PPP1R1C: variants seen among roughly 807,000 people sequenced by gnomAD.
The protein encoded by PPP1R1C is protein phosphatase 1 regulatory inhibitor subunit 1C, also known as protein phosphatase 1 regulatory subunit 1C.
A neutral mutation model predicts 17.4 loss-of-function variants in PPP1R1C; 15 were observed. That is an observed-to-expected ratio of 0.86 (90% confidence interval 0.58 to 1.33). The LOEUF is 1.33. Ranked by LOEUF, PPP1R1C falls within the 40% of genes most tolerant of loss-of-function variation. The pLI is 0.00. For synonymous variants in PPP1R1C, 35 were observed against 43.1 expected, an observed-to-expected ratio of 0.81 and a Z score of 0.73; for missense variants, 143 against 130.0, an observed-to-expected ratio of 1.10 and a Z score of -0.48.
intron 4 of PPP1R1C, among the ~76,000 whole-genome samples, chr2:182,113,231 T>A (rs1689492377): frequency 1.3e-5 from 2 of 152,234 alleles, no homozygotes; most frequent in Non-Finnish European, 2.9e-5. Context: ...TGAGTTATAA[T>A]CTGCCTATAC....
intron 2 of PPP1R1C, among the ~76,000 whole-genome samples, chr2:181,996,676 A>G (rs1392931975): frequency 6.6e-6 from 1 of 152,224 alleles, no homozygotes; most frequent in Non-Finnish European, 1.5e-5. Flanking sequence ...TGTGCAAACT[A>G]AAAAGCTAGA....
At chr2:182,066,111 C>T (rs1207495032) in intron 4 of PPP1R1C, among the ~76,000 whole-genome samples, 1 of 152,108 alleles carries the variant, frequency 6.6e-6, no homozygotes, top group Non-Finnish European at 1.5e-5. Flanking sequence ...ATCTTATCAG[C>T]TTTTTGTGGC....
intron 2 of PPP1R1C, chr2:182,023,745 C>G (rs1686505047): frequency 6.6e-6 from 1 of 152,072 alleles, no homozygotes. Flanking sequence ...CTCAGCTTCT[C>G]ACATAGCTGG....
intron 4 of PPP1R1C, among the ~76,000 whole-genome samples, chr2:182,115,831 A>G (rs546131477): frequency 1.3e-5 from 2 of 152,312 alleles, no homozygotes; most frequent in South Asian, 4.1e-4. Context: ...GCAAACTTAC[A>G]CATTTCTTGA....
At chr2:182,086,086 T>G (rs566378313) in intron 4 of PPP1R1C, among the ~76,000 whole-genome samples, 108 of 151,970 alleles carry the variant, frequency 7.1e-4, no homozygotes, top group African/African-American at 2.6e-3. Context: ...GAAAAAAACA[T>G]GAGAAACAGG....
chr2:182,042,618 G>C (rs1454923434), intron 2 of PPP1R1C, among the ~76,000 whole-genome samples: 2 of 152,156 alleles, frequency 1.3e-5, no homozygotes, highest in Non-Finnish European at 2.9e-5. Context: ...GAATGCCCTA[G>C]GGAGAAAGAG....
intron 2 of PPP1R1C, among the ~76,000 whole-genome samples, chr2:182,011,123 T>A (rs1363824787): frequency 1.3e-5 from 2 of 152,132 alleles, no homozygotes; most frequent in African/African-American, 2.4e-5. Flanking sequence ...ATCATGGTCC[T>A]TCTGGCCTCA....
intron 2 of PPP1R1C, among the ~76,000 whole-genome samples, chr2:182,012,111 A>G (rs965650638): frequency 6.6e-6 from 1 of 151,996 alleles, no homozygotes; most frequent in Non-Finnish European, 1.5e-5. Context: ...TAACCTGTAA[A>G]TATCTATTAG....
intron 1 of PPP1R1C, among the ~76,000 whole-genome samples, chr2:181,970,392 C>A (rs1207056253): frequency 6.6e-6 from 1 of 152,198 alleles, no homozygotes; most frequent in Non-Finnish European, 1.5e-5. Context: ...ATCTTCCACC[C>A]TCATAGAGGT....
intron 2 of PPP1R1C, among the ~76,000 whole-genome samples, chr2:182,007,389 C>G (rs1685953764): frequency 6.6e-6 from 1 of 152,132 alleles, no homozygotes; most frequent in African/African-American, 2.4e-5. Context: ...ACATTTTATT[C>G]TACATTTAAA....
At chr2:182,046,505 A>G (rs1687351184) in intron 2 of PPP1R1C, among the ~76,000 whole-genome samples, 1 of 151,880 alleles carries the variant, frequency 6.6e-6, no homozygotes, top group African/African-American at 2.4e-5. Flanking sequence ...AGGCAGGCAG[A>G]TCACAAGGTC....
rs1574352814 is a variant in PPP1R1C, at chr2:181,986,053, C to T, written c.-58C>T. ...TGTCTGAGGAAACACATCCCGGACA[C>T]CACTTAGGGTTAGTCTTTCTGAGCT... On this transcript the variant is annotated 5_prime_UTR_variant, in exon 1 of 5. Transcript: ENST00000682840. 7.4e-7 allele frequency: 1 copy of T among 1,350,016 alleles called. No individual in the cohort carries two copies. Among genetic ancestry groups the T allele is most frequent in the Non-Finnish European group, 1.1e-6 (1 of 939,624 alleles). 83.6% of individuals were successfully genotyped at this position (1,350,016 alleles called of 1,614,324 possible).
At chr2:181,996,630 T>C (rs1685619482) in intron 2 of PPP1R1C, among the ~76,000 whole-genome samples, 1 of 152,214 alleles carries the variant, frequency 6.6e-6, no homozygotes, top group Non-Finnish European at 1.5e-5. Flanking sequence ...ACAATTACAA[T>C]TTGACCTTGG....
exon 6 of PPP1R1C, chr2:182,129,330 T>G (rs929748194): frequency 3.3e-5 from 5 of 152,152 alleles, no homozygotes; most frequent in Non-Finnish European, 7.4e-5. Context: ...AATCTGAGCC[T>G]TCTCTTACAA....
intron 4 of PPP1R1C, among the ~76,000 whole-genome samples, chr2:182,070,851 G>T (rs1032715793): frequency 2.6e-5 from 4 of 152,294 alleles, no homozygotes; most frequent in Middle Eastern, 3.4e-3. Flanking sequence ...AAGGTGAAGG[G>T]GGAGCCAGCA....
intron 2 of PPP1R1C, among the ~76,000 whole-genome samples, chr2:182,013,738 C>G (rs1574377201): frequency 6.6e-6 from 1 of 151,992 alleles, no homozygotes; most frequent in South Asian, 2.1e-4. Context: ...TTTCTTTTGT[C>G]TCCCCGATTG....
chr2:182,125,601 G>T (rs1689854904), intron 5 of PPP1R1C, among the ~76,000 whole-genome samples: 1 of 151,936 alleles, frequency 6.6e-6, no homozygotes, highest in Admixed American at 6.6e-5. Flanking sequence ...TCGGGGATTT[G>T]ATTTCTTCCT....
Position 181,961,185 on chromosome 2 carries a change from G to A in PPP1R1C, n.111+6551G>A. On this transcript the variant is annotated intron_variant and non_coding_transcript_variant, in intron 1 of 5. Transcript: ENST00000464264. This position sits in a 1 kb window ranked among gnomAD's most constrained non-coding sequence, Gnocchi z 5.8. Reference sequence around the variant, plus strand: ...TTATTGACCTCCTGCTCCCCAAAGGGTACCCTGCTTCTGCTGGCTTGATGT... The same window carrying A: ...TTATTGACCTCCTGCTCCCCAAAGGATACCCTGCTTCTGCTGGCTTGATGT... The A allele has an allele frequency of 1.2e-6, 1 of 848,454 alleles. No homozygotes were observed. Among genetic ancestry groups the A allele is most frequent in the East Asian group, 2.5e-5 (1 of 40,766 alleles). The allele number at this position is 848,454 out of a possible 1,614,324, so 52.6% of individuals were successfully genotyped here.
downstream of PPP1R1C, among the ~76,000 whole-genome samples, chr2:182,118,710 A>G (rs537620963): frequency 1.7e-4 from 26 of 152,228 alleles, no homozygotes; most frequent in African/African-American, 6.0e-4. Context: ...CCCCAAGAAA[A>G]TAAGTGTGAA....
Sources: allele counts gnomAD v4.1 joint callset (sites outside exome capture counted in the v4.1 genomes callset), GRCh38; gene constraint gnomAD v4.1.1; non-coding constraint Gnocchi (gnomAD v3.1); transcripts MANE v1.5; gene names NCBI Gene and HGNC (gene_info 2026-07-23, HGNC 2026-07-21).